The following LIMK2 variants were observed in gnomAD, a reference collection of about 807,000 sequenced individuals.
The protein encoded by LIMK2 is LIM domain kinase 2.
A neutral mutation model predicts 75.7 loss-of-function variants in LIMK2; 35 were observed. That is an observed-to-expected ratio of 0.46 (90% CI 0.35 to 0.61). The LOEUF (loss-of-function observed/expected upper bound fraction) is 0.61, where lower values mean the gene tolerates loss of function less well. Among genes scored for constraint, LIMK2 ranks in the 20% least tolerant of loss-of-function variants. The pLI is 0.00. For missense variants in LIMK2, 623 were observed against 831.0 expected (o/e 0.75, Z 3.08); for synonymous variants, 301 against 319.2 (o/e 0.94, Z 0.61).
chr22:31,216,356 G>A (rs762847294), intron 1 of LIMK2, among the ~76,000 whole-genome samples: 25 of 152,140 alleles, frequency 1.6e-4, no homozygotes, highest in Non-Finnish European at 3.2e-4. Flanking sequence ...GGCAAGGATT[G>A]GGAGGTGGAA....
intron 2 of LIMK2, among the ~76,000 whole-genome samples, chr22:31,253,913 A>G (rs1018133256): frequency 6.6e-6 from 1 of 152,220 alleles, no homozygotes; most frequent in African/African-American, 2.4e-5. Flanking sequence ...TACCATGGCA[A>G]CTTCTTAAGT....
intron 1 of LIMK2, among the ~76,000 whole-genome samples, chr22:31,217,640 T>C (rs909331840): frequency 5.3e-5 from 8 of 152,238 alleles, no homozygotes; most frequent in Non-Finnish European, 1.2e-4. Flanking sequence ...AGAGAACTGC[T>C]GTATGAGAAT....
chr22:31,269,505 C>A (rs1249914524), intron 11 of LIMK2, among the ~76,000 whole-genome samples: 1 of 151,872 alleles, frequency 6.6e-6, no homozygotes, highest in East Asian at 1.9e-4. Context: ...GTGGCTCATG[C>A]CTGTAATCCC....
intron 2 of LIMK2, among the ~76,000 whole-genome samples, chr22:31,245,577 C>T (rs1291699168): frequency 6.6e-6 from 1 of 152,126 alleles, no homozygotes; most frequent in African/African-American, 2.4e-5. Flanking sequence ...GCTGGGATTA[C>T]AGGCGTGAGC....
At chr22:31,271,243 C>T in intron 12 of LIMK2, 42 bp downstream of exon 12, 2 of 1,546,554 alleles carry the variant, frequency 1.3e-6, no homozygotes, top group South Asian at 1.1e-5. Context: ...GGGTCCTATC[C>T]TTCCTGGCTT....
chr22:31,223,303 C>T (rs1462179407), intron 1 of LIMK2, among the ~76,000 whole-genome samples: 1 of 152,104 alleles, frequency 6.6e-6, no homozygotes, highest in Non-Finnish European at 1.5e-5. Flanking sequence ...GCAGGGCAAG[C>T]TCTGGAGGGT....
rs72617296 is a variant in LIMK2 at position 31,234,341 on chromosome 22, C to A, written c.116+8522C>A. 0.07 allele frequency among the ~76,000 whole-genome samples: 9,833 copies of A among 139,670 alleles called. 1,683 individuals are homozygous for A. The East Asian group carries it at 0.76, about 11-fold the overall frequency. 91.6% of individuals were successfully genotyped at this position (139,670 alleles called of 152,430 possible). On this transcript the variant is annotated intron_variant, in intron 2 of 15. Coordinates refer to ENST00000331728, the MANE Select transcript of LIMK2 (RefSeq NM_005569.4). Reference sequence around the variant, plus strand: ...GGAGTGATCTTAAAAAAAAAAAAAACAAAAAAAAACTTGACTGTGTCACTC... The same window carrying A: ...GGAGTGATCTTAAAAAAAAAAAAAAAAAAAAAAAACTTGACTGTGTCACTC...
rs367648063 is a variant in LIMK2 at position 31,266,137 on chromosome 22, G to A, written c.1041+5G>A. 1.7e-5 allele frequency: 28 copies of A among 1,613,994 alleles called. No homozygotes were observed. The highest frequency in any genetic ancestry group is 2.3e-5 in the Non-Finnish European group (27 of 1,179,870). On this transcript the variant is annotated splice_donor_5th_base_variant and intron_variant, in intron 8 of 15. Transcript: ENST00000331728. The stretch of plus-strand genomic sequence containing the variant: ...TTCTTTGGGCAGGCTATCAAGGTGA[G>A]CGCAGGCAACAATTGCTTTGCTCTT...
chr22:31,219,158 T>G (rs2048412634), intron 1 of LIMK2, among the ~76,000 whole-genome samples: 1 of 152,224 alleles, frequency 6.6e-6, no homozygotes, highest in Non-Finnish European at 1.5e-5. Flanking sequence ...CATGGTAGTC[T>G]CTGAGCATGG....
At chr22:31,249,693 T>G (rs2048706573) in intron 2 of LIMK2, among the ~76,000 whole-genome samples, 1 of 152,158 alleles carries the variant, frequency 6.6e-6, no homozygotes, top group Non-Finnish European at 1.5e-5. Flanking sequence ...CCCTTCTGGC[T>G]TCTCTAAGCT....
chr22:31,275,030 A>C (rs898763497), intron 14 of LIMK2, 121 bp from the exon 15 acceptor site: 11 of 921,458 alleles, frequency 1.2e-5, no homozygotes, highest in Non-Finnish European at 1.9e-5. Flanking sequence ...AGAGCTCTCT[A>C]ACCTATTTTA....
intron 8 of LIMK2, 152 bp downstream of exon 8, chr22:31,266,284 AC>A (rs892726106): frequency 2.0e-5 from 15 of 742,540 alleles, no homozygotes; most frequent in Non-Finnish European, 3.3e-5. Flanking sequence ...GGTATCCTTC[AC>A]CCCCACCCAG....
intron 1 of LIMK2, among the ~76,000 whole-genome samples, chr22:31,223,377 G>A (rs2048452818): frequency 6.6e-6 from 1 of 152,152 alleles, no homozygotes. Context: ...TTTGAATTTT[G>A]GAAATAGAAA....
At position 31,236,900 on chromosome 22, in the gene LIMK2, G is replaced by C. The variant is rs557765635; in HGVS notation, c.116+11081G>C. 1.9e-4 allele frequency among the ~76,000 whole-genome samples: 28 copies of C among 147,944 alleles called. 1 individual carries two copies. The South Asian group carries it at 5.7e-3, about 30-fold the overall frequency. ...TCACTGCACTCCAGCCTGGGAGACA[G>C]AGCGAGACTCTGTCTCAATAAATAA... On this transcript the variant is annotated intron_variant, in intron 2 of 15. Coordinates refer to ENST00000331728, the MANE Select transcript of LIMK2 (RefSeq NM_005569.4).
intron 11 of LIMK2, among the ~76,000 whole-genome samples, chr22:31,268,678 C>T (rs2048922028): frequency 6.6e-6 from 1 of 152,164 alleles, no homozygotes; most frequent in African/African-American, 2.4e-5. Flanking sequence ...ATCTATTTCA[C>T]CTGGAAACAA....
intron 15 of LIMK2, 130 bp downstream of exon 15, chr22:31,275,438 C>A: frequency 1.2e-6 from 1 of 854,782 alleles, no homozygotes. Context: ...GGCTGTCAAC[C>A]CCTGAGCCAT....
chr22:31,257,149 C>T (rs2048792647), intron 2 of LIMK2, among the ~76,000 whole-genome samples: 1 of 148,018 alleles, frequency 6.8e-6, no homozygotes, highest in Non-Finnish European at 1.5e-5. Flanking sequence ...ACCTCAGCCT[C>T]CCAAAGTGCT....
chr22:31,232,435 A>G (rs780197872), intron 2 of LIMK2, among the ~76,000 whole-genome samples: 13 of 152,168 alleles, frequency 8.5e-5, no homozygotes, highest in Non-Finnish European at 1.6e-4. Context: ...AGGACTCTGA[A>G]AACATTAGAA....
At chr22:31,248,657 G>A (rs767811672) in intron 2 of LIMK2, 28 of 1,613,706 alleles carry the variant, frequency 1.7e-5, no homozygotes, top group South Asian at 1.1e-4. Flanking sequence ...ATCTACAGCC[G>A]GCCTGAGGCA....
Sources: gnomAD v4.1 joint callset for allele counts (sites outside exome capture counted in the v4.1 genomes callset) on GRCh38, gnomAD v4.1.1 for gene constraint, MANE v1.5 for transcripts, NCBI Gene and HGNC (gene_info 2026-07-23, HGNC 2026-07-21) for gene names.